The following EPHA6 variants were observed in gnomAD, a reference collection of about 807,000 sequenced individuals.
EPHA6 encodes the protein EPH receptor A6.
EPHA6 carries 50 observed loss-of-function variants against 112.0 expected under a neutral mutation model. The ratio of observed to expected loss-of-function variants is 0.45; its 90% CI spans 0.36 to 0.56. The LOEUF is 0.56. Among genes scored for constraint, EPHA6 ranks in the 20% least tolerant of loss-of-function variants. EPHA6 has a pLI of 0.00. For missense variants in EPHA6, 1,280 were observed against 1,417.4 expected (o/e 0.90, Z 1.56); for synonymous variants, 529 against 490.7 (o/e 1.08, Z -1.03).
At chr3:97,201,906 A>G (rs1054735534) in intron 3 of EPHA6, among the ~76,000 whole-genome samples, 2 of 152,126 alleles carry the variant, frequency 1.3e-5, no homozygotes, top group Non-Finnish European at 2.9e-5. Flanking sequence ...CATAAGGACC[A>G]GAATCTTCAT....
At chr3:97,264,572 C>A (rs2079609101) in intron 5 of EPHA6, among the ~76,000 whole-genome samples, 1 of 152,234 alleles carries the variant, frequency 6.6e-6, no homozygotes, top group Non-Finnish European at 1.5e-5. Context: ...GCCCACAGCT[C>A]TTCTTTCCTT....
At chr3:97,399,935 T>G (rs1265461710) in intron 5 of EPHA6, among the ~76,000 whole-genome samples, 2 of 151,746 alleles carry the variant, frequency 1.3e-5, no homozygotes, top group Non-Finnish European at 3.0e-5. Flanking sequence ...AAGCTTTTAG[T>G]TTGATATAAT....
At chr3:96,815,138 T>C in intron 1 of EPHA6, 130 bp downstream of exon 1, 1 of 873,608 alleles carries the variant, frequency 1.1e-6, no homozygotes, top group Non-Finnish European at 1.7e-6. Context: ...CACGAGGGGA[T>C]CGAGGATGTC....
intron 2 of EPHA6, among the ~76,000 whole-genome samples, chr3:96,923,350 A>G (rs2039871687): frequency 6.6e-6 from 1 of 152,218 alleles, no homozygotes. Context: ...CGTGAGTGGT[A>G]TGTCATTGTG....
chr3:97,390,884 C>A (rs572770085), intron 5 of EPHA6, among the ~76,000 whole-genome samples: 1 of 152,080 alleles, frequency 6.6e-6, no homozygotes, highest in South Asian at 2.1e-4. Flanking sequence ...ACAATCAAAT[C>A]ATTCGGAATA....
chr3:96,901,998 T>C (rs915358048), intron 2 of EPHA6, among the ~76,000 whole-genome samples: 1 of 152,198 alleles, frequency 6.6e-6, no homozygotes, highest in African/African-American at 2.4e-5. Flanking sequence ...AAATATATCA[T>C]TCTGGCTTAC....
chr3:97,266,631 C>G (rs190649131), intron 5 of EPHA6, among the ~76,000 whole-genome samples: 16 of 152,168 alleles, frequency 1.1e-4, no homozygotes, highest in Admixed American at 5.2e-4. Context: ...TGGCAAAAGC[C>G]TGGGTAGATT....
chr3:97,756,468 A>T lies in EPHA6; in HGVS notation c.*7767A>T, dbSNP rs1190697307. Among the ~76,000 whole-genome samples the T allele has an allele frequency of 6.6e-6, 1 of 151,948 alleles. No individual in the cohort carries two copies. The highest frequency in any genetic ancestry group is 1.5e-5 in the Non-Finnish European group (1 of 67,818). Reference sequence around the variant, plus strand: ...TATCATACATAGTTAATAAACAATGATTGGAGCTTTTCAAAATTGCTGCTC... The same window carrying T: ...TATCATACATAGTTAATAAACAATGTTTGGAGCTTTTCAAAATTGCTGCTC... On this transcript the variant is annotated 3_prime_UTR_variant, in exon 18 of 18. Coordinates refer to ENST00000389672, the MANE Select transcript of EPHA6 (RefSeq NM_001080448.3).
chr3:97,540,910 G>T (rs2092839754), intron 11 of EPHA6, among the ~76,000 whole-genome samples: 1 of 152,004 alleles, frequency 6.6e-6, no homozygotes, highest in African/African-American at 2.4e-5. Context: ...TCCAAATTGG[G>T]AAGGGCTGTA....
intron 5 of EPHA6, among the ~76,000 whole-genome samples, chr3:97,394,953 C>T: frequency 6.6e-6 from 1 of 151,512 alleles, no homozygotes; most frequent in Non-Finnish European, 1.5e-5. Context: ...ACCAGATAAT[C>T]CAGGCTAATT....
In EPHA6 at chr3:97,228,980, A is replaced by G. The variant is rs145916680; in HGVS notation, c.1270+2561A>G. Among the ~76,000 whole-genome samples the G allele has an allele frequency of 8.5e-4, 130 of 152,206 alleles. 1 individual carries two copies. Among genetic ancestry groups the G allele is most frequent in the African/African-American group, 2.8e-3 (118 of 41,546 alleles). ...ATTTCCTTGATAATTAGTGATGTTGAGCATTTTTTCATATGTCTGTTGGCA... is the reference window on the plus strand; with the variant it reads ...ATTTCCTTGATAATTAGTGATGTTGGGCATTTTTTCATATGTCTGTTGGCA... On this transcript the variant is annotated intron_variant, in intron 4 of 17. Transcript: ENST00000389672.
chr3:96,950,013 T>C (rs750122409), intron 2 of EPHA6, among the ~76,000 whole-genome samples: 26 of 152,168 alleles, frequency 1.7e-4, no homozygotes, highest in Non-Finnish European at 1.9e-4. Context: ...TATCCTTCTG[T>C]GCAGTGTCTT....
rs570134810 is a variant in EPHA6 at position 97,563,284 on chromosome 3, G to A, written c.2387-29328G>A. Among the ~76,000 whole-genome samples the A allele has an allele frequency of 4.6e-5, 7 of 152,270 alleles. No homozygotes were observed. The South Asian group carries it at 6.2e-4, about 14-fold the overall frequency. On this transcript the variant is annotated intron_variant, in intron 11 of 17. Coordinates refer to ENST00000389672, the MANE Select transcript of EPHA6 (RefSeq NM_001080448.3). ...TTGGAGAATTTGATGTTGGAGGGACGTAGAATGTCCTGTGAAAATCTGTGG... is the reference window on the plus strand; with the variant it reads ...TTGGAGAATTTGATGTTGGAGGGACATAGAATGTCCTGTGAAAATCTGTGG...
At chr3:97,160,739 G>A (rs980214485) in intron 3 of EPHA6, among the ~76,000 whole-genome samples, 2 of 152,086 alleles carry the variant, frequency 1.3e-5, no homozygotes, top group Non-Finnish European at 2.9e-5. Flanking sequence ...TGCAAGTCTG[G>A]TCATTTCTCC....
intron 3 of EPHA6, among the ~76,000 whole-genome samples, chr3:97,130,864 C>G (rs2048318660): frequency 6.6e-6 from 1 of 152,068 alleles, no homozygotes; most frequent in Non-Finnish European, 1.5e-5. Flanking sequence ...TATAAACAAA[C>G]CATATCCTAG....
intron 5 of EPHA6, among the ~76,000 whole-genome samples, chr3:97,370,316 A>T (rs1208502242): frequency 6.6e-6 from 1 of 152,214 alleles, no homozygotes; most frequent in African/African-American, 2.4e-5. Context: ...TACTTACTAT[A>T]TGCCAACTGT....
intron 5 of EPHA6, among the ~76,000 whole-genome samples, chr3:97,386,007 C>T (rs1369536498): frequency 6.6e-6 from 1 of 152,124 alleles, no homozygotes; most frequent in Non-Finnish European, 1.5e-5. Context: ...CAAATCACGT[C>T]ATTCCACCCT....
rs530153446 is a variant in EPHA6, at chr3:97,746,243, T to C, written c.3129-1180T>C. On this transcript the variant is annotated intron_variant, in intron 16 of 17. Coordinates refer to ENST00000389672, the MANE Select transcript of EPHA6 (RefSeq NM_001080448.3). ...AGGAAGTTTTTCATTACTTACAACA[T>C]ATCGATTTCACTCAAACACTAAATT... Among the ~76,000 whole-genome samples, 4 of 151,900 alleles carry C rather than the reference T, an allele frequency of 2.6e-5. No individual in the cohort carries two copies. The East Asian group carries it at 5.8e-4, about 22-fold the overall frequency.
At chr3:96,863,139 C>A (rs1170634249) in intron 1 of EPHA6, among the ~76,000 whole-genome samples, 5 of 151,782 alleles carry the variant, frequency 3.3e-5, no homozygotes, top group African/African-American at 4.8e-5. Flanking sequence ...ATTGTATTTT[C>A]ATTTGTACTC....
Sources: allele counts gnomAD v4.1 joint callset (sites outside exome capture counted in the v4.1 genomes callset), GRCh38; gene constraint gnomAD v4.1.1; transcripts MANE v1.5; gene names NCBI Gene and HGNC (gene_info 2026-07-23, HGNC 2026-07-21).